Variants in SLC22A13 observed in about 807,000 individuals in gnomAD.
SLC22A13 encodes the protein organic anion transporter 10.
A neutral mutation model predicts 49.1 loss-of-function variants in SLC22A13; 42 were observed. That is an observed-to-expected ratio of 0.85 (90% CI 0.67 to 1.11). The LOEUF is 1.11. Among genes scored for constraint, SLC22A13 ranks in the 50% least tolerant of loss-of-function variants. SLC22A13 has a pLI of 0.00. For missense variants in SLC22A13, 694 were observed against 712.8 expected (o/e 0.97, Z 0.30); for synonymous variants, 282 against 293.1 (o/e 0.96, Z 0.39).
chr3:38,275,761 T>C, intron 6 of SLC22A13, 89 bp downstream of exon 6: 1 of 1,490,904 alleles, frequency 6.7e-7, no homozygotes, highest in East Asian at 2.3e-5. Context: ...GCTGTTTGGC[T>C]GGGATGGTCT....
chr3:38,265,986 G>A lies in SLC22A13; in HGVS notation c.126G>A (p.Met42Ile). ...TCTACTTTTTTGCCCATGTCTTCATGGTCCTAGATGAGCCCCACCACTGTG... is the reference window on the plus strand; with the variant it reads ...TCTACTTTTTTGCCCATGTCTTCATAGTCCTAGATGAGCCCCACCACTGTG... ...SPFYFFAHVF[M>I]VLDEPHHCAV... The change falls in exon 1 of 10, where the codon ATG (methionine) becomes ATA (isoleucine). Residue 42 changes from methionine (M) to isoleucine (I), a missense_variant. Transcript: ENST00000311856. 5.0e-6 allele frequency: 8 copies of A among 1,614,102 alleles called. No individual in the cohort carries two copies. The highest frequency in any genetic ancestry group is 5.9e-6 in the Non-Finnish European group (7 of 1,180,020).
intron 1 of SLC22A13, 103 bp from the exon 2 acceptor site, chr3:38,274,169 G>T: frequency 1.2e-6 from 1 of 844,820 alleles, no homozygotes. Context: ...ACACAGTTTG[G>T]GAACCATGAG....
intron 1 of SLC22A13, among the ~76,000 whole-genome samples, chr3:38,273,383 C>A (rs888365995): frequency 6.6e-6 from 1 of 152,098 alleles, no homozygotes; most frequent in African/African-American, 2.4e-5. Context: ...TTCTCTCATT[C>A]TCTCCCTCCC....
chr3:38,276,225 G>T, intron 7 of SLC22A13, 62 bp from the exon 8 acceptor site: 23 of 1,500,608 alleles, frequency 1.5e-5, no homozygotes, highest in Non-Finnish European at 2.1e-5. Flanking sequence ...AAGGGGTGGG[G>T]AGTTCCAGTG....
At chr3:38,270,448 G>A (rs1559536563) in intron 1 of SLC22A13, 1 of 217,052 alleles carries the variant, frequency 4.6e-6, no homozygotes, top group Non-Finnish European at 9.9e-6. Flanking sequence ...AGCAAGAAAG[G>A]AATCTTTGGA....
chr3:38,276,947 G>T lies in SLC22A13; in HGVS notation c.1382G>T (p.Arg461Leu). Residue 461 changes from arginine to leucine, a missense_variant, in exon 9 of 10, where the codon CGG (arginine) becomes CTG (leucine). Transcript: ENST00000311856. ...TGMGLVGIFS[R>L]IGGILTPLVI... ...ATGGGGCTGGTGGGCATCTTCTCAC[G>T]GATCGGGGGCATCCTCACACCACTT... is the stretch of plus-strand genomic sequence containing the variant. The T allele has an allele frequency of 6.2e-7, 1 of 1,613,886 alleles. No homozygotes were observed. Among genetic ancestry groups the T allele is most frequent in the Non-Finnish European group, 8.5e-7 (1 of 1,179,950 alleles).
chr3:38,276,592 AG>A (rs1332685536), intron 8 of SLC22A13, among the ~76,000 whole-genome samples, 197 bp downstream of exon 8: 2 of 152,240 alleles, frequency 1.3e-5, no homozygotes, highest in African/African-American at 4.8e-5. Context: ...CAGACAGGCA[AG>A]TAGGCCATGC....
At chr3:38,268,662 CAA>C (rs933258518) in intron 1 of SLC22A13, among the ~76,000 whole-genome samples, 1 of 152,122 alleles carries the variant, frequency 6.6e-6, no homozygotes, top group Non-Finnish European at 1.5e-5. Context: ...CAAATTTTCT[CAA>C]AAGTTACAGT....
At chr3:38,276,812 G>T in intron 8 of SLC22A13, 100 bp from the exon 9 acceptor site, 1 of 1,039,476 alleles carries the variant, frequency 9.6e-7, no homozygotes, top group South Asian at 1.5e-5. Flanking sequence ...AGACCCTGCA[G>T]ACCTTTGAGG....
chr3:38,265,899 CTT>C lies in SLC22A13; in HGVS notation c.41_42del (p.Phe14TrpfsTer32), dbSNP rs984430961. 1.9e-6 allele frequency: 3 copies of C among 1,614,018 alleles called. No individual in the cohort carries two copies. The highest frequency in any genetic ancestry group is 2.2e-5 in the East Asian group (1 of 44,898). ...TCCAGGTCCTGGCTGAAATAGGTGACTTTGGTCGCTTCCAGATACAGCTATTG... is the reference window on the plus strand; with the variant it reads ...TCCAGGTCCTGGCTGAAATAGGTGACTGGTCGCTTCCAGATACAGCTATTG... ...FVQVLAEIGD[F>X]GRFQIQLLIL... On this transcript the variant is annotated frameshift_variant, in exon 1 of 10. Coordinates refer to ENST00000311856, the MANE Select transcript of SLC22A13 (RefSeq NM_004256.4). LOFTEE classifies it high-confidence loss of function.
At chr3:38,275,843 G>C in intron 6 of SLC22A13, 39 bp from the exon 7 acceptor site, 1 of 1,583,596 alleles carries the variant, frequency 6.3e-7, no homozygotes, top group South Asian at 1.1e-5. Flanking sequence ...GTGGTGTCTC[G>C]TCACCCAGCA....
Position 38,275,632 on chromosome 3 carries a change from C to T in SLC22A13, c.982C>T (p.Pro328Ser), listed in dbSNP as rs201229173. 4.4e-5 allele frequency: 71 copies of T among 1,614,164 alleles called. No individual in the cohort carries two copies. The East Asian group carries it at 1.1e-3, about 25-fold the overall frequency. The change falls in exon 6 of 10, where the codon CCC becomes TCC. Residue 328 changes from proline to serine, a missense_variant. Coordinates refer to ENST00000311856, the MANE Select transcript of SLC22A13 (RefSeq NM_004256.4). ...GAATGCCCTGGATCTGTTCAGACAC[C>T]CCCAGCTCCGGAAGGTGACCCTGAT... ...SGNALDLFRHPQLRKVTLIIF... is the reference protein window; with the variant it reads ...SGNALDLFRHSQLRKVTLIIF...
intron 1 of SLC22A13, among the ~76,000 whole-genome samples, chr3:38,272,511 C>T (rs1703532995): frequency 6.6e-6 from 1 of 152,238 alleles, no homozygotes; most frequent in Non-Finnish European, 1.5e-5. Context: ...AATTCTGACT[C>T]CTGAGCCTGG....
At chr3:38,266,405 T>C (rs1370381733) in intron 1 of SLC22A13, among the ~76,000 whole-genome samples, 167 bp downstream of exon 1, 2 of 152,236 alleles carry the variant, frequency 1.3e-5, no homozygotes, top group African/African-American at 4.8e-5. Flanking sequence ...CTTTGTCCTC[T>C]GCCTATTGAC....
chr3:38,276,654 A>T (rs1157808092), intron 8 of SLC22A13, among the ~76,000 whole-genome samples: 1 of 152,214 alleles, frequency 6.6e-6, no homozygotes, highest in Non-Finnish European at 1.5e-5. Flanking sequence ...GAATGGCCAC[A>T]GAGAAGGAGC....
intron 6 of SLC22A13, 70 bp from the exon 7 acceptor site, chr3:38,275,812 C>T: frequency 6.5e-7 from 1 of 1,527,118 alleles, no homozygotes; most frequent in Admixed American, 1.7e-5. Flanking sequence ...GACTGCTGAC[C>T]AAGGCAGGCT....
chr3:38,277,880 A>T lies in SLC22A13; in HGVS notation c.*415A>T, dbSNP rs937282757. ...TTCCAATTTGTGGGAACAGGAGGGGAGAGGAAACAAATGTGAAGTTGTGGA... is the reference window on the plus strand; with the variant it reads ...TTCCAATTTGTGGGAACAGGAGGGGTGAGGAAACAAATGTGAAGTTGTGGA... On this transcript the variant is annotated 3_prime_UTR_variant, in exon 10 of 10. Coordinates refer to ENST00000311856, the MANE Select transcript of SLC22A13 (RefSeq NM_004256.4). 2 of 155,116 alleles carry T rather than the reference A, an allele frequency of 1.3e-5. No homozygotes were observed. The highest frequency in any genetic ancestry group is 4.8e-5 in the African/African-American group (2 of 41,544). 9.6% of individuals were successfully genotyped at this position (155,116 alleles called of 1,614,324 possible).
intron 1 of SLC22A13, among the ~76,000 whole-genome samples, chr3:38,269,874 C>A (rs552898165): frequency 8.2e-6 from 1 of 122,236 alleles, no homozygotes; most frequent in African/African-American, 3.0e-5. Context: ...CCCCTCCCCC[C>A]ACCCCACAAC....
rs760379177 is a variant in SLC22A13, at chr3:38,277,357, T to C, written c.1563-15T>C. 1.4e-5 allele frequency: 23 copies of C among 1,600,520 alleles called. No individual in the cohort carries two copies. The highest frequency in any genetic ancestry group is 1.9e-5 in the Non-Finnish European group (22 of 1,168,984). ...AATTCCTGGGCAGCCAATGACAGCC[T>C]TCTGCTCCCTCTAGGTCCCCCAAAT... On this transcript the variant is annotated splice_polypyrimidine_tract_variant and intron_variant, in intron 9 of 9. Coordinates refer to ENST00000311856, the MANE Select transcript of SLC22A13 (RefSeq NM_004256.4).
Sources: gnomAD v4.1 joint callset for allele counts (sites outside exome capture counted in the v4.1 genomes callset) on GRCh38, gnomAD v4.1.1 for gene constraint, MANE v1.5 for transcripts, NCBI Gene and HGNC (gene_info 2026-07-23, HGNC 2026-07-21) for gene names.